Variants in RFC1 observed in about 807,000 individuals in gnomAD.
The protein encoded by RFC1 is replication factor C subunit 1.
In RFC1, 37 loss-of-function variants were observed where a neutral mutation model predicts 137.4. The ratio of observed to expected loss-of-function variants is 0.27; its 90% CI spans 0.21 to 0.35. The LOEUF (loss-of-function observed/expected upper bound fraction) is 0.35. RFC1 is among the 10% of genes least tolerant of loss of function. The pLI, the probability that RFC1 is intolerant of heterozygous loss-of-function variation, is 1.00. For missense variants in RFC1, 1,205 were observed against 1,358.5 expected, an observed-to-expected ratio of 0.89 and a Z score of 1.78; for synonymous variants, 429 against 455.7, an observed-to-expected ratio of 0.94 and a Z score of 0.75.
At chr4:39,342,510 A>G in intron 3 of RFC1, 43 bp from the exon 4 acceptor site, 1 of 1,588,808 alleles carries the variant, frequency 6.3e-7, no homozygotes, top group South Asian at 1.1e-5. Context: ...GAAAAGAACT[A>G]TTATAATATA....
At chr4:39,337,435 AGTGTGTGTGTGTGTGT>A (rs71921435) in intron 4 of RFC1, among the ~76,000 whole-genome samples, 12 of 143,602 alleles carry the variant, frequency 8.4e-5, no homozygotes, top group African/African-American at 1.8e-4. Flanking sequence ...TACTCAAATA[AGTGTGTGTGTGTGTGT>A]GTGTGTGTGT....
chr4:39,364,476 TGAGAA>T (rs1741922610), intron 1 of RFC1, among the ~76,000 whole-genome samples: 1 of 152,328 alleles, frequency 6.6e-6, no homozygotes, highest in African/African-American at 2.4e-5. Flanking sequence ...ATTTCTTTTC[TGAGAA>T]GAGGTCTATT....
intron 21 of RFC1, among the ~76,000 whole-genome samples, chr4:39,296,216 C>G (rs1280341399): frequency 4.1e-5 from 6 of 146,928 alleles, no homozygotes. Context: ...TAGATGTCTT[C>G]TATGTCCAGG....
chr4:39,346,608 G>A (rs1038253480), intron 2 of RFC1, among the ~76,000 whole-genome samples: 2 of 152,104 alleles, frequency 1.3e-5, no homozygotes, highest in Admixed American at 6.5e-5. Context: ...AAAACTGATT[G>A]TAATCAATTA....
intron 15 of RFC1, among the ~76,000 whole-genome samples, chr4:39,304,472 G>GTGAGGTTAATAAGGTAA (rs1164701622): frequency 6.6e-6 from 1 of 152,144 alleles, no homozygotes; most frequent in Admixed American, 6.5e-5. Flanking sequence ...TACATGCAGA[G>GTGAGGTTAATAAGGTAA]TGAGGTTAAT....
chr4:39,296,096 T>C (rs1259376256), intron 21 of RFC1, among the ~76,000 whole-genome samples: 1 of 152,186 alleles, frequency 6.6e-6, no homozygotes, highest in Non-Finnish European at 1.5e-5. Context: ...AGGGATATGA[T>C]GGTCTTTAAC....
At chr4:39,349,464 C>T (rs1369079294) in intron 2 of RFC1, among the ~76,000 whole-genome samples, 2 of 152,166 alleles carry the variant, frequency 1.3e-5, no homozygotes, top group Non-Finnish European at 2.9e-5. Flanking sequence ...TCCACCAGTG[C>T]TCAATCTCTC....
intron 4 of RFC1, among the ~76,000 whole-genome samples, chr4:39,333,979 T>C (rs1029050396): frequency 6.6e-6 from 1 of 152,106 alleles, no homozygotes; most frequent in Non-Finnish European, 1.5e-5. Context: ...CTCTGTTAAC[T>C]ACAAAATAAA....
rs745454195 is a variant in RFC1 at position 39,320,518 on chromosome 4, T to C, written c.960A>G (p.Ala320=). The C allele has an allele frequency of 3.1e-6, 5 of 1,612,454 alleles. No homozygotes were observed. The highest frequency in any genetic ancestry group is 4.2e-6 in the Non-Finnish European group (5 of 1,179,680). ...VSSPKASSKL[A]IMKRKEESSY... is the part of the protein sequence containing the mutation. ...AGCTCTCTTCTTTTCTTTTCATAAT[T>C]GCCAGCTTAGAACTGGCCTTGGGAG... Residue 320 remains alanine (A), a synonymous_variant, in exon 9 of 25, where the codon GCA becomes GCG. Transcript: ENST00000349703.
chr4:39,308,548 G>A, intron 13 of RFC1, 88 bp downstream of exon 13: 1 of 1,492,506 alleles, frequency 6.7e-7, no homozygotes, highest in Non-Finnish European at 9.1e-7. Context: ...ACAGATGAAT[G>A]AATCGTTAGA....
chr4:39,343,221 C>T (rs984835476), intron 3 of RFC1, among the ~76,000 whole-genome samples: 2 of 152,112 alleles, frequency 1.3e-5, no homozygotes, highest in Admixed American at 1.3e-4. Context: ...CAGGGTTTTA[C>T]TATGTTGGCC....
chr4:39,364,277 A>G (rs1263008173), intron 1 of RFC1, among the ~76,000 whole-genome samples: 1 of 151,852 alleles, frequency 6.6e-6, no homozygotes, highest in African/African-American at 2.4e-5. Context: ...AAAAAAAAAA[A>G]AAAGAACTAC....
chr4:39,306,369 ATTGC>A (rs1353788138), intron 14 of RFC1, among the ~76,000 whole-genome samples: 1 of 152,244 alleles, frequency 6.6e-6, no homozygotes, highest in East Asian at 1.9e-4. Flanking sequence ...GTTGGTAAGT[ATTGC>A]TTATTACTTT....
At chr4:39,331,215 T>C (rs1163790037) in intron 4 of RFC1, among the ~76,000 whole-genome samples, 1 of 152,204 alleles carries the variant, frequency 6.6e-6, no homozygotes, top group African/African-American at 2.4e-5. Flanking sequence ...TATTAAATTT[T>C]ATAATGTTTA....
At chr4:39,359,610 C>T (rs1485415208) in intron 1 of RFC1, among the ~76,000 whole-genome samples, 1 of 152,012 alleles carries the variant, frequency 6.6e-6, no homozygotes, top group Non-Finnish European at 1.5e-5. Flanking sequence ...ATCATGAGGT[C>T]AGGAGATCGA....
chr4:39,334,461 G>A (rs1048497454), intron 4 of RFC1, among the ~76,000 whole-genome samples: 11 of 152,188 alleles, frequency 7.2e-5, no homozygotes, highest in Admixed American at 3.3e-4. Flanking sequence ...AACAGACAGT[G>A]ACTTAACAGG....
intron 1 of RFC1, among the ~76,000 whole-genome samples, chr4:39,351,953 C>T (rs1242948037): frequency 9.0e-6 from 1 of 111,162 alleles, no homozygotes; most frequent in South Asian, 2.9e-4. Context: ...GATGACAAAG[C>T]AAGACTCCGT....
At chr4:39,299,897 A>G (rs1180009950) in intron 21 of RFC1, 124 bp downstream of exon 21, 1 of 652,726 alleles carries the variant, frequency 1.5e-6, no homozygotes, top group Non-Finnish European at 2.6e-6. Context: ...CCCGGGCAAC[A>G]GAGCGAGACT....
At chr4:39,364,763 G>A (rs1741937122) in intron 1 of RFC1, among the ~76,000 whole-genome samples, 1 of 152,110 alleles carries the variant, frequency 6.6e-6, no homozygotes, top group Non-Finnish European at 1.5e-5. Flanking sequence ...AATCACTATG[G>A]CAGCTATTAT....
Sources: allele counts gnomAD v4.1 joint callset (sites outside exome capture counted in the v4.1 genomes callset), GRCh38; gene constraint gnomAD v4.1.1; transcripts MANE v1.5; gene names NCBI Gene and HGNC (gene_info 2026-07-23, HGNC 2026-07-21).